The following KAZN variants were observed in gnomAD, a reference collection of about 807,000 sequenced individuals.
KAZN encodes the protein kazrin, periplakin interacting protein.
In KAZN, 40 loss-of-function variants were observed where a neutral mutation model predicts 87.4. The observed-to-expected ratio is 0.46, with a 90% CI of 0.36 to 0.60. The LOEUF (loss-of-function observed/expected upper bound fraction) is 0.60. KAZN is among the 20% of genes least tolerant of loss of function. The pLI is 0.00. For synonymous variants in KAZN, 466 were observed against 458.3 expected, an observed-to-expected ratio of 1.02 and a Z score of -0.22; for missense variants, 898 against 1,073.9, an observed-to-expected ratio of 0.84 and a Z score of 2.29.
Position 15,096,801 on chromosome 1 carries a change from CT to C in KAZN, c.1547+1869del, listed in dbSNP as rs1256885135. ...AATAATCCCATCATGAAGGGCACCC[CT>C]ATGACCTCATCTAATCAGCTCCCAA... is the stretch of plus-strand genomic sequence containing the variant. On this transcript the variant is annotated intron_variant, in intron 10 of 14. Transcript: ENST00000376030. The surrounding 1 kb of genome is among the most constrained non-coding windows in gnomAD (Gnocchi z 4.5). 6.6e-6 allele frequency among the ~76,000 whole-genome samples: 1 copy of C among 152,140 alleles called. No individual in the cohort carries two copies. Among genetic ancestry groups the C allele is most frequent in the Non-Finnish European group, 1.5e-5 (1 of 68,024 alleles).
At chr1:14,960,139 A>G (rs1261759272) in intron 1 of KAZN, among the ~76,000 whole-genome samples, 1 of 152,174 alleles carries the variant, frequency 6.6e-6, no homozygotes, top group East Asian at 1.9e-4. Flanking sequence ...ATGCCTTTCT[A>G]TGGCTGTTTC....
At chr1:14,972,470 C>A (rs1413329992) in intron 2 of KAZN, among the ~76,000 whole-genome samples, 1 of 151,998 alleles carries the variant, frequency 6.6e-6, no homozygotes, top group African/African-American at 2.4e-5. Flanking sequence ...TCACCTCACC[C>A]CTGCTTGGCT....
chr1:14,230,919 T>C (rs1647764752), intron 2 of KAZN, among the ~76,000 whole-genome samples: 1 of 152,206 alleles, frequency 6.6e-6, no homozygotes, highest in African/African-American at 2.4e-5. Context: ...GTGGGCACCA[T>C]GCATCTTCAG....
chr1:14,273,933 T>C (rs1652149794), intron 2 of KAZN, among the ~76,000 whole-genome samples: 1 of 152,190 alleles, frequency 6.6e-6, no homozygotes, highest in African/African-American at 2.4e-5. Flanking sequence ...TGCAAATTAC[T>C]GAAAACTCAT....
intron 2 of KAZN, among the ~76,000 whole-genome samples, chr1:14,260,983 T>C (rs1650970389): frequency 6.6e-6 from 1 of 152,236 alleles, no homozygotes; most frequent in Non-Finnish European, 1.5e-5. Context: ...TAGTAATACA[T>C]ACTCTTTACA....
Position 14,735,570 on chromosome 1 carries a change from A to AAC in KAZN, c.226+136348_226+136349dup, listed in dbSNP as rs1643876322. On this transcript the variant is annotated intron_variant, in intron 1 of 14. Coordinates refer to ENST00000376030, the MANE Select transcript of KAZN (RefSeq NM_201628.3). The surrounding 1 kb of genome is among the most constrained non-coding windows in gnomAD (Gnocchi z 4.3). Reference sequence around the variant, plus strand: ...AGAATGTGCTAAACCCCACACACCTAACGGCCGTTTTCACATGGCAGCCCC... The same window carrying AAC: ...AGAATGTGCTAAACCCCACACACCTAACACGGCCGTTTTCACATGGCAGCCCC... 6.6e-6 allele frequency among the ~76,000 whole-genome samples: 1 copy of AAC among 152,092 alleles called. No individual in the cohort carries two copies. The highest frequency in any genetic ancestry group is 6.6e-5 in the Admixed American group (1 of 15,264).
intron 2 of KAZN, among the ~76,000 whole-genome samples, chr1:14,432,011 C>A (rs1205285269): frequency 6.6e-6 from 1 of 152,130 alleles, no homozygotes; most frequent in South Asian, 2.1e-4. Context: ...AGAACCCTGA[C>A]TAATATAGGA....
intron 1 of KAZN, among the ~76,000 whole-genome samples, chr1:14,022,580 A>G (rs1221912413): frequency 1.3e-5 from 2 of 151,402 alleles, no homozygotes; most frequent in Non-Finnish European, 2.9e-5. Flanking sequence ...CGTATGATGC[A>G]GCGTTTCTAT....
chr1:14,727,330 G>A (rs760192291), intron 1 of KAZN, among the ~76,000 whole-genome samples: 9 of 151,968 alleles, frequency 5.9e-5, no homozygotes, highest in African/African-American at 1.2e-4. Context: ...TTAGTTCAGC[G>A]GTCCCCAACC....
At chr1:13,906,401 A>G (rs1390078419) in intron 1 of KAZN, among the ~76,000 whole-genome samples, 2 of 152,116 alleles carry the variant, frequency 1.3e-5, no homozygotes, top group Admixed American at 1.3e-4. Flanking sequence ...GTTTTCGGAG[A>G]GGCAGGAGTT....
chr1:14,977,883 C>CTTTTTT (rs34375176), intron 2 of KAZN, among the ~76,000 whole-genome samples: 3 of 91,114 alleles, frequency 3.3e-5, no homozygotes, highest in Admixed American at 1.2e-4. Flanking sequence ...GGGTGCACGT[C>CTTTTTT]TTTTTTTTTT....
At chr1:14,516,305 C>T (rs1358673329) in intron 2 of KAZN, among the ~76,000 whole-genome samples, 1 of 152,208 alleles carries the variant, frequency 6.6e-6, no homozygotes, top group Non-Finnish European at 1.5e-5. Context: ...ACAGGCTCTC[C>T]CTCGTGGTGG....
At chr1:14,867,958 T>A (rs1651681406) in intron 1 of KAZN, among the ~76,000 whole-genome samples, 1 of 152,116 alleles carries the variant, frequency 6.6e-6, no homozygotes, top group Non-Finnish European at 1.5e-5. Flanking sequence ...AGCACAGCAT[T>A]GCATAGGCAG....
chr1:14,991,150 C>T (rs377242522), intron 2 of KAZN, among the ~76,000 whole-genome samples: 2 of 151,822 alleles, frequency 1.3e-5, no homozygotes, highest in Admixed American at 6.6e-5. Flanking sequence ...GTCAGGAGTT[C>T]GAGACCAGCC....
chr1:13,916,894 G>A (rs892477385), intron 1 of KAZN, among the ~76,000 whole-genome samples: 3 of 152,106 alleles, frequency 2.0e-5, no homozygotes, highest in Non-Finnish European at 4.4e-5. Flanking sequence ...AGAGGAGAGA[G>A]GAAGAGGCAG....
At chr1:14,302,954 A>G (rs1416625) in intron 2 of KAZN, among the ~76,000 whole-genome samples, 42,320 of 152,042 alleles carry the variant, frequency 0.28, 6,221 homozygotes, top group Admixed American at 0.44. Flanking sequence ...GCAAGGTGGG[A>G]ACAAGATTGA....
chr1:14,308,625 G>C (rs1655086063), intron 2 of KAZN, among the ~76,000 whole-genome samples: 1 of 152,186 alleles, frequency 6.6e-6, no homozygotes, highest in Non-Finnish European at 1.5e-5. Context: ...GATCTGCCAA[G>C]TACTGGCTGT....
At chr1:14,110,520 C>G (rs1415019698) in intron 1 of KAZN, among the ~76,000 whole-genome samples, 1 of 152,196 alleles carries the variant, frequency 6.6e-6, no homozygotes, top group African/African-American at 2.4e-5. Context: ...CTCTTATTAT[C>G]CAGATCATTT....
chr1:14,550,736 TCTCC>T (rs1379510998), intron 2 of KAZN, among the ~76,000 whole-genome samples: 1 of 41,822 alleles, frequency 2.4e-5, no homozygotes, highest in Non-Finnish European at 5.0e-5. Flanking sequence ...TCTCTCTCTC[TCTCC>T]CCCACCCCGC....
Sources: allele counts gnomAD v4.1 joint callset (sites outside exome capture counted in the v4.1 genomes callset), GRCh38; gene constraint gnomAD v4.1.1; non-coding constraint Gnocchi (gnomAD v3.1); transcripts MANE v1.5; gene names NCBI Gene and HGNC (gene_info 2026-07-23, HGNC 2026-07-21).